Variants in SDCCAG8 observed in about 807,000 individuals in gnomAD.
SDCCAG8 encodes serologically defined colon cancer antigen 8.
Under a neutral mutation model 101.8 loss-of-function variants are expected in SDCCAG8, and 74 were observed. The ratio of observed to expected loss-of-function variants is 0.73; its 90% CI spans 0.60 to 0.88. SDCCAG8 has a LOEUF of 0.88. Ranked by LOEUF, SDCCAG8 falls within the 40% of genes least tolerant of loss-of-function variation. The probability of loss-of-function intolerance (pLI) is 0.00; values close to 1 mark genes in which losing one functional copy is unlikely to be tolerated. For synonymous variants in SDCCAG8, 281 were observed against 292.9 expected (o/e 0.96, Z 0.41); for missense variants, 787 against 822.6 (o/e 0.96, Z 0.53).
intron 8 of SDCCAG8, among the ~76,000 whole-genome samples, chr1:243,311,923 G>A (rs913451530): frequency 6.6e-6 from 1 of 152,150 alleles, no homozygotes; most frequent in African/African-American, 2.4e-5. Context: ...GATCAGTTAT[G>A]TATTCCTTTG....
chr1:243,468,342 C>A (rs890656748), intron 16 of SDCCAG8, among the ~76,000 whole-genome samples: 4 of 152,002 alleles, frequency 2.6e-5, no homozygotes, highest in Non-Finnish European at 5.9e-5. Flanking sequence ...CTCAGTGTCC[C>A]GAGTAGCTGG....
In SDCCAG8 at chr1:243,499,810, A is replaced by ATGAT; in HGVS notation, c.*27_*30dup. On this transcript the variant is annotated 3_prime_UTR_variant, in exon 18 of 18. Coordinates refer to ENST00000366541, the MANE Select transcript of SDCCAG8 (RefSeq NM_006642.5). Reference sequence around the variant, plus strand: ...ACCTGGATGGAACAGAGTGAAATAAATGATTTACAAAGAGATATTTACATT... The same window carrying ATGAT: ...ACCTGGATGGAACAGAGTGAAATAAATGATTGATTTACAAAGAGATATTTACATT... The ATGAT allele has an allele frequency of 6.2e-7, 1 of 1,607,726 alleles. No individual in the cohort carries two copies. The highest frequency in any genetic ancestry group is 1.3e-5 in the African/African-American group (1 of 74,934).
intron 1 of SDCCAG8, among the ~76,000 whole-genome samples, chr1:243,268,846 A>G (rs896964279): frequency 6.6e-6 from 1 of 152,158 alleles, no homozygotes; most frequent in African/African-American, 2.4e-5. Context: ...CTTTCGTGCC[A>G]TTGCAGTTAG....
intron 3 of SDCCAG8, among the ~76,000 whole-genome samples, chr1:243,272,994 T>A (rs1039867086): frequency 1.3e-5 from 2 of 152,224 alleles, no homozygotes; most frequent in South Asian, 2.1e-4. Context: ...TCATACAATA[T>A]TGGCTTGAGC....
intron 1 of SDCCAG8, among the ~76,000 whole-genome samples, chr1:243,257,478 A>G (rs2066851262): frequency 6.6e-6 from 1 of 152,136 alleles, no homozygotes; most frequent in Non-Finnish European, 1.5e-5. Context: ...AAGACAAAAA[A>G]AAAAAATAAT....
chr1:243,257,022 T>C (rs2066784603), intron 1 of SDCCAG8, among the ~76,000 whole-genome samples: 1 of 152,246 alleles, frequency 6.6e-6, no homozygotes, highest in Admixed American at 6.5e-5. Context: ...CGCTGTCAAC[T>C]TGGACAGCAT....
At chr1:243,429,064 A>G (rs1313589014) in intron 16 of SDCCAG8, among the ~76,000 whole-genome samples, 2 of 152,222 alleles carry the variant, frequency 1.3e-5, no homozygotes, top group African/African-American at 4.8e-5. Context: ...TGATGTTGGA[A>G]GTACTTCCAA....
At chr1:243,275,896 G>A (rs1328713700) in intron 4 of SDCCAG8, among the ~76,000 whole-genome samples, 1 of 113,214 alleles carries the variant, frequency 8.8e-6, no homozygotes, top group Non-Finnish European at 1.6e-5. Context: ...ATGGAGTCTC[G>A]CATTGTCGCC....
chr1:243,497,665 A>G (rs1280782281), intron 17 of SDCCAG8, among the ~76,000 whole-genome samples: 1 of 152,186 alleles, frequency 6.6e-6, no homozygotes, highest in African/African-American at 2.4e-5. Context: ...TTATCAAAAA[A>G]TTCCGCAACA....
chr1:243,346,231 A>G (rs2075697620), intron 12 of SDCCAG8: 1 of 154,406 alleles, frequency 6.5e-6, no homozygotes, highest in African/African-American at 2.4e-5. Context: ...TCTGTCTGTG[A>G]GACCAAAGAA....
At chr1:243,274,191 T>G (rs2068326226) in intron 3 of SDCCAG8, among the ~76,000 whole-genome samples, 1 of 152,090 alleles carries the variant, frequency 6.6e-6, no homozygotes, top group Non-Finnish European at 1.5e-5. Flanking sequence ...GAGCAAGAAG[T>G]GGGAGAGGTG....
chr1:243,383,716 A>G (rs1240990885), intron 13 of SDCCAG8, among the ~76,000 whole-genome samples: 2 of 151,984 alleles, frequency 1.3e-5, no homozygotes, highest in Admixed American at 6.5e-5. Flanking sequence ...CTGTTGCTAT[A>G]CTCTGAAAAC....
intron 5 of SDCCAG8, among the ~76,000 whole-genome samples, chr1:243,288,790 C>T (rs528657905): frequency 5.9e-4 from 89 of 152,128 alleles, no homozygotes; most frequent in African/African-American, 1.9e-3. Context: ...GGGTGGATCA[C>T]GAGGTCAGGA....
At chr1:243,378,886 G>T in intron 13 of SDCCAG8, 23 bp downstream of exon 13, 3 of 1,613,850 alleles carry the variant, frequency 1.9e-6, no homozygotes, top group South Asian at 1.1e-5. Context: ...CCCATTATGC[G>T]CCATAGCACC....
chr1:243,288,236 C>T (rs1344827478), intron 5 of SDCCAG8, among the ~76,000 whole-genome samples: 1 of 152,096 alleles, frequency 6.6e-6, no homozygotes, highest in Non-Finnish European at 1.5e-5. Context: ...AGGATGATCA[C>T]ACGAACGGAT....
At position 243,324,459 on chromosome 1, in the gene SDCCAG8, C is replaced by CTTTT. The variant is rs34446782; in HGVS notation, c.1069-6063_1069-6060dup. 7.2e-3 allele frequency among the ~76,000 whole-genome samples: 626 copies of CTTTT among 86,982 alleles called. 76 individuals carry two copies. Among genetic ancestry groups the CTTTT allele is most frequent in the East Asian group, 0.031 (77 of 2,482 alleles). 57.1% of individuals were successfully genotyped at this position (86,982 alleles called of 152,430 possible). ...GTTCAAGGCTTCACATCTTCACATG[C>CTTTT]TTTTTTTTTTTTTTTTTTTTTCAGA... On this transcript the variant is annotated intron_variant, in intron 9 of 17. Transcript: ENST00000366541.
chr1:243,405,506 C>A (rs1236611148), intron 13 of SDCCAG8, among the ~76,000 whole-genome samples: 1 of 152,132 alleles, frequency 6.6e-6, no homozygotes, highest in East Asian at 1.9e-4. Flanking sequence ...CCTTAAAGAT[C>A]TGGCAATGAG....
At chr1:243,338,297 G>T (rs989027157) in intron 10 of SDCCAG8, among the ~76,000 whole-genome samples, 8 of 152,176 alleles carry the variant, frequency 5.3e-5, no homozygotes, top group Non-Finnish European at 1.5e-5. Context: ...TCATAACATT[G>T]TAAGTGCTAG....
intron 13 of SDCCAG8, among the ~76,000 whole-genome samples, chr1:243,404,180 A>G (rs1033253549): frequency 1.9e-4 from 29 of 152,170 alleles, no homozygotes; most frequent in Non-Finnish European, 3.8e-4. Flanking sequence ...TCAGTTGCTT[A>G]TATTTATTTT....
Sources: gnomAD v4.1 joint callset for allele counts (sites outside exome capture counted in the v4.1 genomes callset) on GRCh38, gnomAD v4.1.1 for gene constraint, MANE v1.5 for transcripts, NCBI Gene and HGNC (gene_info 2026-07-23, HGNC 2026-07-21) for gene names.